Variants in RAP1GAP2 observed in about 807,000 individuals in gnomAD.
RAP1GAP2 encodes the protein rap1 GTPase-activating protein 2.
A neutral mutation model predicts 95.0 loss-of-function variants in RAP1GAP2; 27 were observed. The observed-to-expected ratio is 0.28, with a 90% CI of 0.21 to 0.39. The LOEUF is 0.39. RAP1GAP2 is among the 10% of genes least tolerant of loss of function. The pLI is 1.00. For missense variants in RAP1GAP2, 771 were observed against 970.0 expected (o/e 0.79, Z 2.72); for synonymous variants, 373 against 380.9 (o/e 0.98, Z 0.24).
chr17:2,824,911 A>G (rs971428251), intron 2 of RAP1GAP2, among the ~76,000 whole-genome samples: 7 of 151,932 alleles, frequency 4.6e-5, no homozygotes, highest in South Asian at 2.1e-4. Context: ...ACAATGTCCA[A>G]TTTTACCCCA....
chr17:2,856,414 T>A (rs1281697955), intron 2 of RAP1GAP2, among the ~76,000 whole-genome samples: 1 of 152,120 alleles, frequency 6.6e-6, no homozygotes, highest in East Asian at 1.9e-4. Flanking sequence ...TCAAGTCAGA[T>A]CATGTGAGTG....
Position 2,965,453 on chromosome 17 carries a change from C to T in RAP1GAP2, c.493-87C>T, listed in dbSNP as rs2044549633. ...CCTTCTCTTCCTTGTTGCTGTGGGG[C>T]TTCTCCTGGTGAAGGAGGTGGTTTA... On this transcript the variant is annotated intron_variant, in intron 7 of 24. Transcript: ENST00000254695. The surrounding 1 kb of genome is among the most constrained non-coding windows in gnomAD (Gnocchi z 4.7). The T allele has an allele frequency of 1.1e-6, 1 of 945,246 alleles. No homozygotes were observed. Among genetic ancestry groups the T allele is most frequent in the Non-Finnish European group, 1.6e-6 (1 of 608,838 alleles). 58.6% of individuals were successfully genotyped at this position (945,246 alleles called of 1,614,324 possible).
intron 14 of RAP1GAP2, among the ~76,000 whole-genome samples, chr17:3,001,968 C>CTTT (rs71377566): frequency 2.9e-5 from 4 of 138,658 alleles, no homozygotes; most frequent in Non-Finnish European, 3.1e-5. Flanking sequence ...TCTTCTTCTC[C>CTTT]TTTTTTTTTT....
chr17:2,947,064 G>A (rs1394307191), intron 3 of RAP1GAP2, among the ~76,000 whole-genome samples: 2 of 152,198 alleles, frequency 1.3e-5, no homozygotes, highest in African/African-American at 4.8e-5. Flanking sequence ...CGGAAACTGT[G>A]TTTTAACTAG....
chr17:2,861,207 A>G (rs2072373576), intron 2 of RAP1GAP2, among the ~76,000 whole-genome samples: 1 of 151,294 alleles, frequency 6.6e-6, no homozygotes, highest in African/African-American at 2.4e-5. Context: ...AGCTCCCTCC[A>G]GTCATTACTG....
chr17:2,779,566 T>C (rs1480515647), intron 1 of RAP1GAP2, among the ~76,000 whole-genome samples: 1 of 152,154 alleles, frequency 6.6e-6, no homozygotes, highest in Non-Finnish European at 1.5e-5. Context: ...GTCAGCGATG[T>C]CCTGCTCCTG....
chr17:2,985,910 A>G (rs752839556), intron 11 of RAP1GAP2, among the ~76,000 whole-genome samples: 2 of 152,154 alleles, frequency 1.3e-5, no homozygotes, highest in African/African-American at 2.4e-5. Flanking sequence ...ATGAACATTT[A>G]TTAACATCCC....
At chr17:2,953,819 C>T (rs925575177) in intron 3 of RAP1GAP2, among the ~76,000 whole-genome samples, 1 of 152,050 alleles carries the variant, frequency 6.6e-6, no homozygotes, top group African/African-American at 2.4e-5. Flanking sequence ...TGCACTCCAG[C>T]CTGGGTGAAA....
At position 2,855,742 on chromosome 17, in the gene RAP1GAP2, A is replaced by G. The variant is rs185937032; in HGVS notation, c.81-49542A>G. On this transcript the variant is annotated intron_variant, in intron 2 of 24. Coordinates refer to ENST00000254695, the MANE Select transcript of RAP1GAP2 (RefSeq NM_015085.5). The surrounding 1 kb of genome is among the most constrained non-coding windows in gnomAD (Gnocchi z 4.3). Reference sequence around the variant, plus strand: ...ATTCTCGGGCCTCAGCCTCCGGAGTAGCTGGGACTACAAGTACCCACCACC... The same window carrying G: ...ATTCTCGGGCCTCAGCCTCCGGAGTGGCTGGGACTACAAGTACCCACCACC... Among the ~76,000 whole-genome samples, 1 of 152,150 alleles carries G rather than the reference A, an allele frequency of 6.6e-6. No homozygotes were observed. The highest frequency in any genetic ancestry group is 2.1e-4 in the South Asian group (1 of 4,826).
At chr17:2,978,711 G>A (rs62092000) in intron 8 of RAP1GAP2, among the ~76,000 whole-genome samples, 43,664 of 151,694 alleles carry the variant, frequency 0.29, 6,470 homozygotes, top group South Asian at 0.49. Context: ...AGGTGGGTGG[G>A]TCACCTGAGG....
chr17:2,866,538 G>T lies in RAP1GAP2; in HGVS notation c.81-38746G>T, dbSNP rs1254457395. Among the ~76,000 whole-genome samples, 1 of 152,208 alleles carries T rather than the reference G, an allele frequency of 6.6e-6. No individual in the cohort carries two copies. Among genetic ancestry groups the T allele is most frequent in the Admixed American group, 6.5e-5 (1 of 15,268 alleles). On this transcript the variant is annotated intron_variant, in intron 2 of 24. Transcript: ENST00000254695. The surrounding 1 kb of genome is among the most constrained non-coding windows in gnomAD (Gnocchi z 4.0). ...TTGGGGCCCAAGGGCCTTTGTGTTG[G>T]TGAGGCAGTAGATAATACCCCCAAA...
At chr17:2,910,334 G>A (rs2042331731) in intron 3 of RAP1GAP2, among the ~76,000 whole-genome samples, 1 of 152,138 alleles carries the variant, frequency 6.6e-6, no homozygotes, top group South Asian at 2.1e-4. Flanking sequence ...AGCAGGCCTG[G>A]GCTCCACCTG....
chr17:2,800,588 G>A (rs1480003626), intron 2 of RAP1GAP2, 38 bp downstream of exon 2: 2 of 1,603,750 alleles, frequency 1.2e-6, no homozygotes, highest in Middle Eastern at 3.3e-4. Flanking sequence ...GGTCAGAGAT[G>A]ACGCGGATCA....
rs1006208988 is a variant in RAP1GAP2 at position 2,852,503 on chromosome 17, T to A, written c.80+51953T>A. On this transcript the variant is annotated intron_variant, in intron 2 of 24. Coordinates refer to ENST00000254695, the MANE Select transcript of RAP1GAP2 (RefSeq NM_015085.5). ...AGGGCTGAAGCCTCAGGCCCTCGAA[T>A]TCGTTTGCAGTCCCTCTCCCCTCTC... Among the ~76,000 whole-genome samples the A allele has an allele frequency of 2.1e-4, 32 of 152,170 alleles. 1 individual carries two copies. The highest frequency in any genetic ancestry group is 6.5e-5 in the Admixed American group (1 of 15,272).
At chr17:2,762,287 G>A (rs1310070577) in intron 1 of RAP1GAP2, among the ~76,000 whole-genome samples, 2 of 151,348 alleles carry the variant, frequency 1.3e-5, no homozygotes, top group African/African-American at 2.4e-5. Context: ...GCGCCTGGCC[G>A]TCCATTTATA....
At position 3,020,583 on chromosome 17, in the gene RAP1GAP2, G is replaced by A. The variant is rs1361646468; in HGVS notation, c.1739G>A (p.Ser580Asn). The change falls in exon 19 of 25, where the codon AGC (serine) becomes AAC (asparagine). Residue 580 changes from serine (S) to asparagine (N), a missense_variant. Transcript: ENST00000254695. ...LHTGSEGQGD[S>N]RARCDSTSST... ...ACGGGCTCAGAAGGCCAGGGCGACA[G>A]CCGGGCACGATGGTAACTGTTGGGA... 20 of 1,613,454 alleles carry A rather than the reference G, an allele frequency of 1.2e-5. No homozygotes were observed. The highest frequency in any genetic ancestry group is 1.7e-5 in the Non-Finnish European group (20 of 1,179,750).
intron 2 of RAP1GAP2, among the ~76,000 whole-genome samples, chr17:2,875,286 C>T (rs1284168439): frequency 3.3e-5 from 5 of 152,036 alleles, no homozygotes; most frequent in East Asian, 3.9e-4. Context: ...AGGCTGGTCT[C>T]GAACTCCTGA....
Position 2,998,213 on chromosome 17 carries a change from T to C in RAP1GAP2, c.1045-8T>C. 1 of 1,613,008 alleles carries C rather than the reference T, an allele frequency of 6.2e-7. No individual in the cohort carries two copies. Among genetic ancestry groups the C allele is most frequent in the Non-Finnish European group, 8.5e-7 (1 of 1,179,044 alleles). On this transcript the variant is annotated splice_polypyrimidine_tract_variant and splice_region_variant and intron_variant, in intron 13 of 24. Coordinates refer to ENST00000254695, the MANE Select transcript of RAP1GAP2 (RefSeq NM_015085.5). ...CTGGCTTATAACCTCTCAACACTTTTTATTTAGCTCCAGAGAAAGAGACAC... is the reference window on the plus strand; with the variant it reads ...CTGGCTTATAACCTCTCAACACTTTCTATTTAGCTCCAGAGAAAGAGACAC...
intron 2 of RAP1GAP2, among the ~76,000 whole-genome samples, chr17:2,831,251 A>G (rs1597392646): frequency 6.8e-6 from 1 of 147,852 alleles, no homozygotes; most frequent in East Asian, 2.1e-4. Flanking sequence ...TACTTTTTGT[A>G]TTTTTAGTAG....
Sources: allele counts gnomAD v4.1 joint callset (sites outside exome capture counted in the v4.1 genomes callset), GRCh38; gene constraint gnomAD v4.1.1; non-coding constraint Gnocchi (gnomAD v3.1); transcripts MANE v1.5; gene names NCBI Gene and HGNC (gene_info 2026-07-23, HGNC 2026-07-21).